PKP4: variants seen among roughly 807,000 people sequenced by gnomAD.
PKP4 encodes the protein plakophilin-4.
PKP4 carries 90 observed loss-of-function variants against 145.1 expected under a neutral mutation model. That is an observed-to-expected ratio of 0.62 (90% CI 0.52 to 0.74). The LOEUF (loss-of-function observed/expected upper bound fraction) is 0.74, where lower values mean the gene tolerates loss of function less well. Among genes scored for constraint, PKP4 ranks in the 30% least tolerant of loss-of-function variants. The probability of loss-of-function intolerance (pLI) is 0.00; values close to 1 mark genes in which losing one functional copy is unlikely to be tolerated. For synonymous variants in PKP4, 563 were observed against 577.2 expected (o/e 0.98, Z 0.35); for missense variants, 1,340 against 1,482.7 (o/e 0.90, Z 1.58).
intron 7 of PKP4, among the ~76,000 whole-genome samples, chr2:158,627,035 A>G (rs1302027253): frequency 6.6e-6 from 1 of 152,030 alleles, no homozygotes; most frequent in East Asian, 1.9e-4. Flanking sequence ...GATTTTTGTG[A>G]TTGAATAATT....
chr2:158,615,674 GA>G (rs1486174849), intron 4 of PKP4, among the ~76,000 whole-genome samples: 1 of 152,004 alleles, frequency 6.6e-6, no homozygotes, highest in Non-Finnish European at 1.5e-5. Context: ...AGTCATTGTG[GA>G]AATCACTACG....
At chr2:158,619,729 A>G (rs539379366) in intron 4 of PKP4, among the ~76,000 whole-genome samples, 1 of 152,190 alleles carries the variant, frequency 6.6e-6, no homozygotes, top group Non-Finnish European at 1.5e-5. Flanking sequence ...CTGAGCACCT[A>G]CTGAGTACTC....
intron 11 of PKP4, 62 bp downstream of exon 11, chr2:158,642,761 T>C: frequency 8.1e-7 from 1 of 1,232,262 alleles, no homozygotes; most frequent in South Asian, 1.5e-5. Context: ...ACTGTGCCCT[T>C]GTATAGTGGC....
chr2:158,528,669 G>GGA (rs545406955), intron 1 of PKP4, among the ~76,000 whole-genome samples: 3 of 86,016 alleles, frequency 3.5e-5, no homozygotes, highest in East Asian at 3.6e-4. Context: ...CTTACTAAAT[G>GGA]AAAAAAAAAA....
chr2:158,606,382 G>A (rs10206833), intron 4 of PKP4, among the ~76,000 whole-genome samples: 126,232 of 151,938 alleles, frequency 0.83, 53,674 homozygotes, highest in East Asian at 0.97. Context: ...ATTTCTCCAC[G>A]TCCTCTCAAA....
intron 2 of PKP4, among the ~76,000 whole-genome samples, chr2:158,540,231 T>C (rs1475477494): frequency 1.3e-5 from 2 of 152,216 alleles, no homozygotes. Context: ...TCATTTTAGG[T>C]TGTATTGACA....
At chr2:158,622,021 G>C (rs1196036168) in intron 6 of PKP4, among the ~76,000 whole-genome samples, 1 of 152,138 alleles carries the variant, frequency 6.6e-6, no homozygotes, top group Non-Finnish European at 1.5e-5. Context: ...GAATGTAAGA[G>C]AGTTGAATGG....
At chr2:158,676,125 C>T (rs2057986726) in intron 19 of PKP4, among the ~76,000 whole-genome samples, 1 of 152,098 alleles carries the variant, frequency 6.6e-6, no homozygotes, top group Admixed American at 6.6e-5. Flanking sequence ...GCACCATGTG[C>T]GCTTCCTAAT....
chr2:158,649,545 A>T (rs1446145722), intron 11 of PKP4, among the ~76,000 whole-genome samples: 1 of 152,218 alleles, frequency 6.6e-6, no homozygotes, highest in East Asian at 1.9e-4. Flanking sequence ...TAGGAAGTCT[A>T]TGAAACGTGA....
At chr2:158,603,135 TG>T in intron 4 of PKP4, 31 bp downstream of exon 4, 1 of 1,258,682 alleles carries the variant, frequency 7.9e-7, no homozygotes, top group Non-Finnish European at 1.1e-6. Context: ...AAGTTATGTT[TG>T]ATAAACACAA....
At chr2:158,607,413 T>C (rs1467852228) in intron 4 of PKP4, among the ~76,000 whole-genome samples, 1 of 152,080 alleles carries the variant, frequency 6.6e-6, no homozygotes, top group Non-Finnish European at 1.5e-5. Context: ...ACAGAAAATG[T>C]AGTTACGAAA....
chr2:158,558,434 A>G (rs1458411911), intron 2 of PKP4, among the ~76,000 whole-genome samples: 1 of 152,146 alleles, frequency 6.6e-6, no homozygotes, highest in Non-Finnish European at 1.5e-5. Flanking sequence ...ATAGAAGGTG[A>G]TATCTGTGAA....
chr2:158,669,663 C>A, intron 16 of PKP4, 57 bp from the exon 17 acceptor site: 1 of 1,334,568 alleles, frequency 7.5e-7, no homozygotes, highest in Non-Finnish European at 9.9e-7. Flanking sequence ...ATCTGAACAA[C>A]AATAACAAAA....
intron 16 of PKP4, 82 bp from the exon 17 acceptor site, chr2:158,669,638 T>G (rs1575098964): frequency 8.8e-7 from 1 of 1,134,296 alleles, no homozygotes; most frequent in East Asian, 2.6e-5. Flanking sequence ...TTTTAAGAGA[T>G]TGCATGCCAC....
intron 11 of PKP4, among the ~76,000 whole-genome samples, chr2:158,655,968 T>A (rs576224843): frequency 6.6e-6 from 1 of 152,374 alleles, no homozygotes; most frequent in South Asian, 2.1e-4. Context: ...TTCACTCCCT[T>A]GCCCTGTTAT....
In PKP4 at chr2:158,547,620, C is replaced by G. The variant is rs139034784; in HGVS notation, c.132+14304C>G. ...CGTTGTTGTGTACATTTAGTAAAAC[C>G]CCTAACGCTGTGCCTTTAAAATGGG... On this transcript the variant is annotated intron_variant, in intron 2 of 21. Coordinates refer to ENST00000389759, the MANE Select transcript of PKP4 (RefSeq NM_003628.6). Among the ~76,000 whole-genome samples the G allele has an allele frequency of 4.2e-3, 642 of 152,230 alleles. 6 individuals carry two copies. Among genetic ancestry groups the G allele is most frequent in the African/African-American group, 0.014 (568 of 41,546 alleles).
chr2:158,499,951 A>G (rs1196919242), intron 1 of PKP4, among the ~76,000 whole-genome samples: 1 of 152,246 alleles, frequency 6.6e-6, no homozygotes, highest in Non-Finnish European at 1.5e-5. Context: ...GCACAACAGC[A>G]TGTATCAGAA....
intron 3 of PKP4, chr2:158,588,755 G>C (rs143737787): frequency 1.5e-4 from 23 of 152,170 alleles, no homozygotes; most frequent in African/African-American, 5.3e-4. Flanking sequence ...GTAGGTGAAG[G>C]CCCAACTAAT....
intron 2 of PKP4, among the ~76,000 whole-genome samples, chr2:158,546,060 A>G (rs764133121): frequency 3.3e-5 from 5 of 152,194 alleles, no homozygotes; most frequent in Admixed American, 6.5e-5. Flanking sequence ...GATACTGCCC[A>G]TTAAATTCTT....
Sources: allele counts gnomAD v4.1 joint callset (sites outside exome capture counted in the v4.1 genomes callset), GRCh38; gene constraint gnomAD v4.1.1; transcripts MANE v1.5; gene names NCBI Gene and HGNC (gene_info 2026-07-23, HGNC 2026-07-21).